MKX: variants seen among roughly 807,000 people sequenced by gnomAD.
MKX encodes the protein mohawk homeobox.
A neutral mutation model predicts 36.0 loss-of-function variants in MKX; 13 were observed. That is an observed-to-expected ratio of 0.36 (90% CI 0.24 to 0.57). The LOEUF is 0.57. Among genes scored for constraint, MKX ranks in the 20% least tolerant of loss-of-function variants. The pLI is 0.79. For missense variants in MKX, 458 were observed against 456.4 expected (o/e 1.00, Z -0.03); for synonymous variants, 176 against 178.3 (o/e 0.99, Z 0.10).
In MKX at chr10:27,743,422, G is replaced by T. The variant is rs774954228; in HGVS notation, c.-7C>A. ...TGAAGACGATGGTGTTCATGGTGTC[G>T]GTTGGTAGGGACGCGCGGCGCGGCC... is the stretch of plus-strand genomic sequence containing the variant. On this transcript the variant is annotated 5_prime_UTR_variant, in exon 2 of 7. Coordinates refer to ENST00000419761, the MANE Select transcript of MKX (RefSeq NM_173576.3). 1.3e-6 allele frequency: 2 copies of T among 1,540,828 alleles called. No homozygotes were observed. Among genetic ancestry groups the T allele is most frequent in the Non-Finnish European group, 1.7e-6 (2 of 1,146,986 alleles).
chr10:27,724,694 C>A (rs1470757609), intron 5 of MKX, among the ~76,000 whole-genome samples: 1 of 151,220 alleles, frequency 6.6e-6, no homozygotes, highest in Admixed American at 6.6e-5. Context: ...TGCCACCGAT[C>A]GTCTTCAAAA....
chr10:27,714,779 TA>T (rs1836934445), intron 5 of MKX, among the ~76,000 whole-genome samples: 1 of 152,260 alleles, frequency 6.6e-6, no homozygotes, highest in African/African-American at 2.4e-5. Flanking sequence ...AAGATTAGTT[TA>T]AAACACCAAG....
intron 3 of MKX, among the ~76,000 whole-genome samples, chr10:27,739,897 A>G (rs749239133): frequency 6.6e-6 from 1 of 152,192 alleles, no homozygotes; most frequent in Non-Finnish European, 1.5e-5. Flanking sequence ...ATTTATTTTC[A>G]TAAGTCAGGT....
At chr10:27,734,408 T>C in intron 5 of MKX, 48 bp downstream of exon 5, 1 of 1,499,574 alleles carries the variant, frequency 6.7e-7, no homozygotes. Context: ...GTTTTAATTG[T>C]GCTTTAAACA....
intron 5 of MKX, among the ~76,000 whole-genome samples, chr10:27,732,994 C>T (rs1834666669): frequency 1.3e-5 from 2 of 152,202 alleles, no homozygotes; most frequent in South Asian, 4.1e-4. Context: ...AAGGAATCCT[C>T]TTGCCTCTGC....
chr10:27,707,761 T>C (rs777802415), intron 5 of MKX, among the ~76,000 whole-genome samples: 1 of 152,198 alleles, frequency 6.6e-6, no homozygotes, highest in African/African-American at 2.4e-5. Flanking sequence ...GAAAATAAAA[T>C]AGAACTTTCC....
At position 27,743,337 on chromosome 10, in the gene MKX, C is replaced by A; in HGVS notation, c.79G>T (p.Gly27Cys). ...TCCAGGACACCGCTGTAGGGCCGGC[C>A]ACCCCGCTCCCGCTCCGAGGCGCCT... ...DGGASERERG[G>C]RPYSGVLDSP... is the part of the protein sequence containing the mutation. Residue 27 changes from glycine (G) to cysteine (C), a missense_variant, in exon 2 of 7, where the codon GGC becomes TGC. Coordinates refer to ENST00000419761, the MANE Select transcript of MKX (RefSeq NM_173576.3). 1.5e-5 allele frequency: 23 copies of A among 1,584,260 alleles called. No homozygotes were observed. The highest frequency in any genetic ancestry group is 1.9e-5 in the Non-Finnish European group (22 of 1,168,154).
At chr10:27,692,520 CAT>C (rs1343763163) in intron 5 of MKX, among the ~76,000 whole-genome samples, 1 of 152,124 alleles carries the variant, frequency 6.6e-6, no homozygotes. Context: ...TGAAAATAAA[CAT>C]GTGGCCCAGT....
chr10:27,696,264 G>A (rs11015950), intron 5 of MKX, among the ~76,000 whole-genome samples: 15,050 of 152,100 alleles, frequency 0.099, 1,879 homozygotes, highest in African/African-American at 0.27. Flanking sequence ...GCTCATCTGT[G>A]AAATAGATAT....
Position 27,694,527 on chromosome 10 carries a change from A to AAAAAAATAT in MKX, c.839-18974_839-18973insATATTTTTT, listed in dbSNP as rs547670335. Among the ~76,000 whole-genome samples, 448 of 114,306 alleles carry AAAAAAATAT rather than the reference A, an allele frequency of 3.9e-3. 12 individuals are homozygous for AAAAAAATAT. The highest frequency in any genetic ancestry group is 0.033 in the Admixed American group (333 of 10,006). The allele number at this position is 114,306 out of a possible 152,430, so 75.0% of individuals were successfully genotyped here. On this transcript the variant is annotated intron_variant, in intron 5 of 6. Transcript: ENST00000419761. Reference sequence around the variant, plus strand: ...AACCCCGTCTCTACTAAAAAAAAAAAATATATATATATATATAAATTAGCC... The same window carrying AAAAAAATAT: ...AACCCCGTCTCTACTAAAAAAAAAAAAAAAAATATATATATATATATATATAAATTAGCC...
At position 27,675,369 on chromosome 10, in the gene MKX, C is replaced by G; in HGVS notation, c.919G>C (p.Glu307Gln). ...GPSKDDTYWKEINAAMALTNL... is the reference protein window; with the variant it reads ...GPSKDDTYWKQINAAMALTNL... ...GTTAAGGCCATAGCTGCGTTGATCT[C>G]CTTCCAATACGTGTCATCCTTGCTT... Residue 307 changes from glutamate (E) to glutamine (Q), a missense_variant, in exon 7 of 7, where the codon GAG becomes CAG. Physicochemically the swap from Glu to Gln is conservative, Grantham distance 29. Transcript: ENST00000419761. The G allele has an allele frequency of 1.9e-6, 3 of 1,614,224 alleles. No homozygotes were observed. Among genetic ancestry groups the G allele is most frequent in the African/African-American group, 1.3e-5 (1 of 75,070 alleles).
At chr10:27,678,394 A>G (rs940001363) in intron 5 of MKX, among the ~76,000 whole-genome samples, 2 of 152,244 alleles carry the variant, frequency 1.3e-5, no homozygotes, top group African/African-American at 4.8e-5. Context: ...TATTCAATGG[A>G]AAGACTTGGC....
At position 27,673,159 on chromosome 10, in the gene MKX, A is replaced by G. The variant is rs1180473046; in HGVS notation, c.*2070T>C. 6.6e-6 allele frequency: 1 copy of G among 152,216 alleles called. No homozygotes were observed. Among genetic ancestry groups the G allele is most frequent in the Non-Finnish European group, 1.5e-5 (1 of 68,026 alleles). 9.4% of individuals were successfully genotyped at this position (152,216 alleles called of 1,614,324 possible). A position where few individuals can be genotyped will look rare whatever the true frequency, so the allele number is the denominator to read the frequency against. ...ATTACCAAGGATGTGCTTACTATAA[A>G]GTCTTCTTGACATGTTAATTATAAA... On this transcript the variant is annotated 3_prime_UTR_variant, in exon 7 of 7. Coordinates refer to ENST00000419761, the MANE Select transcript of MKX (RefSeq NM_173576.3).
At chr10:27,721,546 G>A (rs946369312) in intron 5 of MKX, among the ~76,000 whole-genome samples, 6 of 152,160 alleles carry the variant, frequency 3.9e-5, no homozygotes, top group African/African-American at 1.4e-4. Flanking sequence ...AACACAGCAT[G>A]TTCTCTCTTA....
intron 5 of MKX, among the ~76,000 whole-genome samples, chr10:27,707,372 C>T (rs1030844187): frequency 5.3e-5 from 8 of 151,984 alleles, no homozygotes; most frequent in South Asian, 2.1e-4. Context: ...ATTAAAAAAA[C>T]GAAATTGAAA....
intron 5 of MKX, among the ~76,000 whole-genome samples, chr10:27,701,745 G>T (rs962580904): frequency 2.8e-5 from 4 of 140,738 alleles, no homozygotes; most frequent in East Asian, 2.0e-4. Context: ...ATTATATAGA[G>T]AATTATATAT....
chr10:27,684,025 A>G (rs1251429837), intron 5 of MKX, among the ~76,000 whole-genome samples: 1 of 152,124 alleles, frequency 6.6e-6, no homozygotes, highest in Admixed American at 6.5e-5. Context: ...TATAAATAGC[A>G]TTTGTTGGCT....
At chr10:27,739,619 C>T (rs1387298053) in intron 3 of MKX, among the ~76,000 whole-genome samples, 1 of 152,080 alleles carries the variant, frequency 6.6e-6, no homozygotes, top group Non-Finnish European at 1.5e-5. Context: ...TGCAGCTCAA[C>T]AAAAACCACT....
intron 5 of MKX, among the ~76,000 whole-genome samples, chr10:27,706,787 G>T (rs1836764303): frequency 6.6e-6 from 1 of 152,016 alleles, no homozygotes; most frequent in Admixed American, 6.6e-5. Flanking sequence ...GCCTACCTTT[G>T]ATATAAAAGA....
Sources: gnomAD v4.1 joint callset for allele counts (sites outside exome capture counted in the v4.1 genomes callset) on GRCh38, gnomAD v4.1.1 for gene constraint, MANE v1.5 for transcripts, NCBI Gene and HGNC (gene_info 2026-07-23, HGNC 2026-07-21) for gene names.